Variants in GALNT14 observed in about 807,000 individuals in gnomAD.
The protein encoded by GALNT14 is UDP-GalNAc:polypeptide N-acetylgalactosaminyltransferase 14.
A neutral mutation model predicts 77.5 loss-of-function variants in GALNT14; 60 were observed. The ratio of observed to expected loss-of-function variants is 0.77; its 90% CI spans 0.63 to 0.96. GALNT14 has a LOEUF of 0.96. Among genes scored for constraint, GALNT14 ranks in the 40% least tolerant of loss-of-function variants. The pLI is 0.00. For missense variants in GALNT14, 710 were observed against 731.0 expected, an observed-to-expected ratio of 0.97 and a Z score of 0.33; for synonymous variants, 280 against 281.7, an observed-to-expected ratio of 0.99 and a Z score of 0.06.
At chr2:30,896,787 G>T in the GALNT14 span, among the ~76,000 whole-genome samples, 30 of 152,120 alleles carry the variant, frequency 2.0e-4, 1 homozygote, top group East Asian at 5.8e-3. Flanking sequence ...CTCTCACCTT[G>T]CTCCATCTTT....
chr2:31,137,046 C>T (rs984282627), intron 1 of GALNT14, among the ~76,000 whole-genome samples: 5 of 152,236 alleles, frequency 3.3e-5, no homozygotes, highest in African/African-American at 1.2e-4. Context: ...CAGGAAATCC[C>T]CCAGAGGCCT....
intron 1 of GALNT14, among the ~76,000 whole-genome samples, chr2:31,020,987 C>T (rs1671679282): frequency 6.6e-6 from 1 of 152,212 alleles, no homozygotes; most frequent in Non-Finnish European, 1.5e-5. Context: ...TTATCTCAGC[C>T]ACGCAGCCCC....
intron 1 of GALNT14, among the ~76,000 whole-genome samples, chr2:31,027,886 C>CTCTGTGTGTGTG (rs1553361796): frequency 7.1e-6 from 1 of 141,776 alleles, no homozygotes; most frequent in Non-Finnish European, 1.5e-5. Context: ...CAGATGTATT[C>CTCTGTGTGTGTG]TGTGTGTGTG....
chr2:30,984,322 G>A (rs908993394), intron 2 of GALNT14, among the ~76,000 whole-genome samples: 1 of 152,212 alleles, frequency 6.6e-6, no homozygotes, highest in Non-Finnish European at 1.5e-5. Context: ...CAGTTGTCCA[G>A]CCTTGGGGCA....
chr2:30,902,391 C>A, the GALNT14 span, among the ~76,000 whole-genome samples: 25 of 152,302 alleles, frequency 1.6e-4, no homozygotes, highest in African/African-American at 4.3e-4. Flanking sequence ...CTTTAAGACA[C>A]AGGCACAGCA....
intron 13 of GALNT14, among the ~76,000 whole-genome samples, chr2:30,917,914 C>T (rs1479578579): frequency 6.6e-6 from 1 of 152,218 alleles, no homozygotes; most frequent in African/African-American, 2.4e-5. Flanking sequence ...AACAAGGCAT[C>T]TAGAATGGAT....
intron 2 of GALNT14, among the ~76,000 whole-genome samples, chr2:30,989,233 C>CA (rs1669506897): frequency 6.6e-6 from 1 of 151,974 alleles, no homozygotes; most frequent in Non-Finnish European, 1.5e-5. Flanking sequence ...ATGCTAAGGA[C>CA]CAGCACCCCA....
At chr2:31,029,416 T>A (rs1341374421) in intron 1 of GALNT14, among the ~76,000 whole-genome samples, 1 of 152,142 alleles carries the variant, frequency 6.6e-6, no homozygotes, top group Non-Finnish European at 1.5e-5. Flanking sequence ...TCCACCAGCA[T>A]CCGACCATCT....
At chr2:31,028,825 A>T in intron 1 of GALNT14, among the ~76,000 whole-genome samples, 1 of 152,306 alleles carries the variant, frequency 6.6e-6, no homozygotes, top group Non-Finnish European at 1.5e-5. Context: ...TTTCATTGGC[A>T]TGATATCTAG....
In GALNT14 at chr2:31,127,607, A is replaced by C. The variant is rs369015063; in HGVS notation, c.129+10351T>G. ...AGTTTGCCTGCTCTAATTCAAGTGCATGACATTCCCTAAAATACATAGCAT... is the reference window on the plus strand; with the variant it reads ...AGTTTGCCTGCTCTAATTCAAGTGCCTGACATTCCCTAAAATACATAGCAT... On this transcript the variant is annotated intron_variant, in intron 1 of 14. Coordinates refer to ENST00000349752, the MANE Select transcript of GALNT14 (RefSeq NM_024572.4). Among the ~76,000 whole-genome samples, 151 of 152,372 alleles carry C rather than the reference A, an allele frequency of 9.9e-4. No homozygotes were observed. The South Asian group carries it at 0.015, about 15-fold the overall frequency.
intron 2 of GALNT14, among the ~76,000 whole-genome samples, chr2:30,979,990 G>A (rs1668884702): frequency 6.6e-6 from 1 of 152,220 alleles, no homozygotes; most frequent in Non-Finnish European, 1.5e-5. Flanking sequence ...ACCAGATGTG[G>A]CACTGCAGTC....
intron 2 of GALNT14, among the ~76,000 whole-genome samples, chr2:30,989,560 T>TATATATATATATATATATA (rs1669525579): frequency 2.3e-5 from 2 of 87,106 alleles, no homozygotes; most frequent in African/African-American, 1.1e-4. Flanking sequence ...GGTAAATACC[T>TATATATATATATATATATA]TATATATATA....
intron 3 of GALNT14, among the ~76,000 whole-genome samples, chr2:30,959,594 T>C (rs953023150): frequency 7.2e-5 from 11 of 152,220 alleles, no homozygotes; most frequent in Admixed American, 1.3e-4. Flanking sequence ...TATTTCACAG[T>C]GCAGTTGAGC....
rs115973093 is a variant in GALNT14, at chr2:30,986,364, A to G, written c.299+6474T>C. On this transcript the variant is annotated intron_variant, in intron 2 of 14. Transcript: ENST00000349752. ...ATAGGCGCTGCTAGCAAGAACATAC[A>G]TATGCTTTATCAAAATATTCCCTCC... Among the ~76,000 whole-genome samples the G allele has an allele frequency of 2.0e-3, 304 of 152,186 alleles. 2 individuals carry two copies. The highest frequency in any genetic ancestry group is 7.1e-3 in the African/African-American group (295 of 41,516).
At chr2:31,071,135 A>G (rs1177276662) in intron 1 of GALNT14, among the ~76,000 whole-genome samples, 1 of 152,198 alleles carries the variant, frequency 6.6e-6, no homozygotes, top group Non-Finnish European at 1.5e-5. Flanking sequence ...AAAAGACTAC[A>G]AACTGGGTTC....
chr2:31,088,517 T>G (rs1413694930), intron 1 of GALNT14, among the ~76,000 whole-genome samples: 4 of 152,114 alleles, frequency 2.6e-5, no homozygotes, highest in Admixed American at 2.6e-4. Flanking sequence ...TGAAGGAGAA[T>G]GAGCGATGTG....
chr2:30,936,382 G>T (rs1666059063), intron 9 of GALNT14, among the ~76,000 whole-genome samples: 1 of 152,248 alleles, frequency 6.6e-6, no homozygotes, highest in African/African-American at 2.4e-5. Context: ...TACTGGTCAA[G>T]GTTCTAATTT....
intron 1 of GALNT14, among the ~76,000 whole-genome samples, chr2:31,015,298 A>G (rs915639418): frequency 5.4e-4 from 14 of 25,944 alleles, no homozygotes; most frequent in African/African-American, 2.5e-3. Context: ...ATCTCAAAGG[A>G]AAAAAAAAAA....
chr2:30,905,429 G>A, the GALNT14 span, among the ~76,000 whole-genome samples: 1 of 152,074 alleles, frequency 6.6e-6, no homozygotes, highest in Admixed American at 6.5e-5. Flanking sequence ...AGCCTCAGGA[G>A]CCGATGCGAT....
Sources: gnomAD v4.1 joint callset for allele counts (sites outside exome capture counted in the v4.1 genomes callset) on GRCh38, gnomAD v4.1.1 for gene constraint, MANE v1.5 for transcripts, NCBI Gene and HGNC (gene_info 2026-07-23, HGNC 2026-07-21) for gene names.